Variants in GPR39 observed in about 807,000 individuals in gnomAD.
The protein encoded by GPR39 is G protein-coupled receptor 39.
A neutral mutation model predicts 18.4 loss-of-function variants in GPR39; 23 were observed. That is an observed-to-expected ratio of 1.25 (90% CI 0.90 to 1.77). GPR39 has a LOEUF of 1.77. Ranked by LOEUF, GPR39 falls within the 40% of genes most tolerant of loss-of-function variation. The pLI is 0.00. For missense variants in GPR39, 647 were observed against 602.4 expected, an observed-to-expected ratio of 1.07 and a Z score of -0.78; for synonymous variants, 280 against 257.9, an observed-to-expected ratio of 1.09 and a Z score of -0.82.
intron 1 of GPR39, among the ~76,000 whole-genome samples, chr2:132,629,577 G>A (rs1681612540): frequency 6.6e-6 from 1 of 152,150 alleles, no homozygotes; most frequent in South Asian, 2.1e-4. Context: ...CTAGAGTTTT[G>A]TAGCTGAAAA....
intron 1 of GPR39, among the ~76,000 whole-genome samples, chr2:132,586,951 G>A (rs1169639671): frequency 6.6e-6 from 1 of 152,208 alleles, no homozygotes; most frequent in Admixed American, 6.5e-5. Flanking sequence ...TAATAAGTGG[G>A]CTGCAATGGA....
At chr2:132,634,957 G>A (rs888880464) in intron 1 of GPR39, among the ~76,000 whole-genome samples, 1 of 152,220 alleles carries the variant, frequency 6.6e-6, no homozygotes, top group Admixed American at 6.5e-5. Context: ...AGCAAAGGGG[G>A]CTTCAGGTTA....
At chr2:132,427,333 TA>T (rs1160386159) in intron 1 of GPR39, among the ~76,000 whole-genome samples, 8 of 93,682 alleles carry the variant, frequency 8.5e-5, no homozygotes, top group African/African-American at 3.3e-4. Flanking sequence ...CTGGCTAATA[TA>T]TTTTTTTTTA....
chr2:132,459,620 C>T (rs1279277181), intron 1 of GPR39, among the ~76,000 whole-genome samples: 1 of 152,202 alleles, frequency 6.6e-6, no homozygotes, highest in Non-Finnish European at 1.5e-5. Flanking sequence ...CTCTCTGCTA[C>T]TAGCATGTCA....
At chr2:132,636,871 G>C (rs1357797125) in intron 1 of GPR39, among the ~76,000 whole-genome samples, 1 of 152,184 alleles carries the variant, frequency 6.6e-6, no homozygotes, top group South Asian at 2.1e-4. Context: ...ATGCTCTGCA[G>C]CTTCCCCGGT....
rs941503124 is a variant in GPR39, at chr2:132,579,154, CT to C, written c.857-65936del. Among the ~76,000 whole-genome samples the C allele has an allele frequency of 1.9e-3, 267 of 142,648 alleles. 1 individual carries two copies. Among genetic ancestry groups the C allele is most frequent in the Non-Finnish European group, 2.3e-3 (149 of 64,696 alleles). 93.6% of individuals were successfully genotyped at this position (142,648 alleles called of 152,430 possible). Reference sequence around the variant, plus strand: ...TTAGCTGTGTCCCACAAATTTTGATCTTTTTTTTTTTCATTTTCATGCAGTA... The same window carrying C: ...TTAGCTGTGTCCCACAAATTTTGATCTTTTTTTTTTCATTTTCATGCAGTA... On this transcript the variant is annotated intron_variant, in intron 1 of 1. Transcript: ENST00000329321.
chr2:132,621,290 G>C (rs574256133), intron 1 of GPR39, among the ~76,000 whole-genome samples: 1 of 152,158 alleles, frequency 6.6e-6, no homozygotes, highest in Non-Finnish European at 1.5e-5. Context: ...CTCATTACCA[G>C]TGTCTCTCAG....
chr2:132,626,978 C>T (rs1681555119), intron 1 of GPR39, among the ~76,000 whole-genome samples: 1 of 152,212 alleles, frequency 6.6e-6, no homozygotes, highest in Non-Finnish European at 1.5e-5. Context: ...TCTTTGCCTT[C>T]CTGTGCATTG....
chr2:132,492,334 TATACCATATATATAC>T (rs1353592256), intron 1 of GPR39, among the ~76,000 whole-genome samples: 2 of 143,472 alleles, frequency 1.4e-5, no homozygotes, highest in Non-Finnish European at 3.0e-5. Context: ...ATACCATATA[TATACCATATATATAC>T]ATACCATATA....
Position 132,595,547 on chromosome 2 carries a change from A to G in GPR39, c.857-49554A>G, listed in dbSNP as rs1052037808. 6.6e-5 allele frequency among the ~76,000 whole-genome samples: 10 copies of G among 152,140 alleles called. No individual in the cohort carries two copies. In the South Asian group the frequency reaches 1.5e-3, roughly 22 times the overall value. ...AGATCAGCACCCCCACATCCCCACC[A>G]CTGGAGACGACTCAGAGTTCATTTT... is the stretch of plus-strand genomic sequence containing the variant. On this transcript the variant is annotated intron_variant, in intron 1 of 1. Coordinates refer to ENST00000329321, the MANE Select transcript of GPR39 (RefSeq NM_001508.3).
chr2:132,475,522 A>G (rs1373505659), intron 1 of GPR39, among the ~76,000 whole-genome samples: 1 of 151,986 alleles, frequency 6.6e-6, no homozygotes, highest in Admixed American at 6.6e-5. Flanking sequence ...AATGGGGAGA[A>G]GCTTCTTTGG....
At chr2:132,507,349 T>A (rs1679153330) in intron 1 of GPR39, among the ~76,000 whole-genome samples, 3 of 152,144 alleles carry the variant, frequency 2.0e-5, no homozygotes, top group African/African-American at 7.2e-5. Context: ...TAAAAATAAG[T>A]AGGTAAGCCC....
intron 1 of GPR39, among the ~76,000 whole-genome samples, chr2:132,642,835 A>C (rs1300102090): frequency 6.6e-6 from 1 of 152,232 alleles, no homozygotes; most frequent in African/African-American, 2.4e-5. Flanking sequence ...TCCTCAGATG[A>C]AGATGGTTGT....
intron 1 of GPR39, among the ~76,000 whole-genome samples, chr2:132,589,103 G>C (rs1258346593): frequency 6.6e-6 from 1 of 152,152 alleles, no homozygotes; most frequent in East Asian, 1.9e-4. Flanking sequence ...AAGACAAATG[G>C]GCTGACTGAG....
chr2:132,517,603 C>T (rs191130013), intron 1 of GPR39, among the ~76,000 whole-genome samples: 1 of 152,280 alleles, frequency 6.6e-6, no homozygotes, highest in East Asian at 1.9e-4. Context: ...AATGACTCAG[C>T]TCAAAGGAAC....
At chr2:132,536,159 T>C (rs896295260) in intron 1 of GPR39, among the ~76,000 whole-genome samples, 2 of 152,180 alleles carry the variant, frequency 1.3e-5, no homozygotes, top group African/African-American at 4.8e-5. Context: ...TTAATTGTGA[T>C]GTTAGGGTGT....
intron 1 of GPR39, 61 bp downstream of exon 1, chr2:132,417,959 C>T: frequency 1.3e-6 from 2 of 1,519,498 alleles, no homozygotes; most frequent in Non-Finnish European, 1.8e-6. Flanking sequence ...ACGACCCGTG[C>T]CACTGCCTGT....
At chr2:132,529,307 G>A (rs1679568294) in intron 1 of GPR39, among the ~76,000 whole-genome samples, 3 of 152,206 alleles carry the variant, frequency 2.0e-5, no homozygotes, top group Admixed American at 2.0e-4. Flanking sequence ...GGCTGGGGGA[G>A]GGGCGCCCGC....
At chr2:132,496,779 G>A (rs974113209) in intron 1 of GPR39, among the ~76,000 whole-genome samples, 2 of 152,124 alleles carry the variant, frequency 1.3e-5, no homozygotes, top group African/African-American at 2.4e-5. Context: ...TCCTGGAATC[G>A]CAGCAATATG....
Sources: gnomAD v4.1 joint callset for allele counts (sites outside exome capture counted in the v4.1 genomes callset) on GRCh38, gnomAD v4.1.1 for gene constraint, MANE v1.5 for transcripts, NCBI Gene and HGNC (gene_info 2026-07-23, HGNC 2026-07-21) for gene names.